REXO1: variants seen among roughly 807,000 people sequenced by gnomAD.
REXO1 encodes RNA exonuclease 1 homolog.
Under a neutral mutation model 102.6 loss-of-function variants are expected in REXO1, and 42 were observed. The observed-to-expected ratio is 0.41, with a 90% CI of 0.32 to 0.53. The LOEUF (loss-of-function observed/expected upper bound fraction) is 0.53. REXO1 is among the 20% of genes least tolerant of loss of function. The pLI is 0.27. For missense variants in REXO1, 1,819 were observed against 1,732.5 expected (o/e 1.05, Z -0.89); for synonymous variants, 908 against 779.1 (o/e 1.17, Z -2.76).
chr19:1,844,251 G>A (rs888325879), intron 1 of REXO1, among the ~76,000 whole-genome samples: 4 of 152,218 alleles, frequency 2.6e-5, no homozygotes, highest in African/African-American at 7.2e-5. Flanking sequence ...GCAGCCTCCC[G>A]GCGCTGGGCC....
At chr19:1,846,254 T>TC (rs907270507) in intron 1 of REXO1, among the ~76,000 whole-genome samples, 3 of 151,832 alleles carry the variant, frequency 2.0e-5, no homozygotes, top group African/African-American at 4.8e-5. Flanking sequence ...GGGACATGCA[T>TC]CCCCCCCTGT....
intron 1 of REXO1, among the ~76,000 whole-genome samples, chr19:1,832,222 G>A (rs2069926094): frequency 1.3e-5 from 2 of 152,222 alleles, no homozygotes; most frequent in Non-Finnish European, 1.5e-5. Flanking sequence ...TGGGAAAGGC[G>A]GGCACTGACT....
At chr19:1,821,381 A>C in intron 5 of REXO1, 138 bp downstream of exon 5, 1 of 896,550 alleles carries the variant, frequency 1.1e-6, no homozygotes. Flanking sequence ...TGGGGAGGGA[A>C]GGTGAAGGCT....
intron 1 of REXO1, among the ~76,000 whole-genome samples, chr19:1,829,252 T>G (rs1469442265): frequency 6.6e-6 from 1 of 152,148 alleles, no homozygotes. Context: ...AGGAAGATTT[T>G]TTTTTTTTGA....
At chr19:1,842,213 C>CAAA (rs566792887) in intron 1 of REXO1, among the ~76,000 whole-genome samples, 1 of 76,566 alleles carries the variant, frequency 1.3e-5, no homozygotes, top group African/African-American at 4.2e-5. Flanking sequence ...GATTCCGTTG[C>CAAA]AAAAAAAAAA....
intron 1 of REXO1, among the ~76,000 whole-genome samples, chr19:1,833,857 G>A (rs959382336): frequency 1.3e-5 from 2 of 152,258 alleles, no homozygotes; most frequent in South Asian, 2.1e-4. Context: ...TGAAGGGGAG[G>A]TGACAGAGCA....
At position 1,827,608 on chromosome 19, in the gene REXO1, TG is replaced by T; in HGVS notation, c.1180del (p.Gln394ArgfsTer99). On this transcript the variant is annotated frameshift_variant, in exon 2 of 16. Transcript: ENST00000170168. LOFTEE classifies it high-confidence loss of function. ...CTTGTCCTTGGTCTTGTCCTTCCCC[TG>T]GGCCCCGTCTTTGCAGCTGGGGGCA... Reference protein sequence around the residue: ...PPAPSCKDGAQGKDKTKDKGR... With the variant: ...PPAPSCKDGAXGKDKTKDKGR... 1 of 1,583,008 alleles carries T rather than the reference TG, an allele frequency of 6.3e-7. No homozygotes were observed.
At chr19:1,821,472 GGCGT>G in intron 5 of REXO1, 43 bp downstream of exon 5, 1 of 1,610,214 alleles carries the variant, frequency 6.2e-7, no homozygotes, top group Non-Finnish European at 8.5e-7. Flanking sequence ...CGGGCCTCAG[GGCGT>G]GGTCTTGGGG....
rs577348912 is a variant in REXO1, at chr19:1,826,462, GAA to G, written c.1911+414_1911+415del. ...GAGAGGAGACAGAGGAGCTGGAAGA[GAA>G]GAGACAGAGATGGGGGAAGGGAGGA... On this transcript the variant is annotated intron_variant, in intron 2 of 15. Transcript: ENST00000170168. The surrounding 1 kb of genome is among the most constrained non-coding windows in gnomAD (Gnocchi z 4.3). Among the ~76,000 whole-genome samples, 335 of 145,114 alleles carry G rather than the reference GAA, an allele frequency of 2.3e-3. 2 individuals carry two copies. Among genetic ancestry groups the G allele is most frequent in the African/African-American group, 7.1e-3 (281 of 39,532 alleles).
At chr19:1,823,968 T>C (rs892673755) in intron 3 of REXO1, 183 bp from the exon 4 acceptor site, 18 of 396,050 alleles carry the variant, frequency 4.5e-5, no homozygotes, top group East Asian at 2.1e-4. Flanking sequence ...CTCAATGCCA[T>C]GTGGCTCCAG....
chr19:1,815,533 C>G lies in REXO1; in HGVS notation c.*533G>C, dbSNP rs1340865856. ...AGCCCACACTGCGCTGAGTGTGGCC[C>G]TGGCCCCCACTGGGGTCTGTCCCAC... On this transcript the variant is annotated 3_prime_UTR_variant, in exon 16 of 16. Transcript: ENST00000170168. This position sits in a 1 kb window ranked among gnomAD's most constrained non-coding sequence, Gnocchi z 4.0. 5.0e-6 allele frequency: 2 copies of G among 398,360 alleles called. No homozygotes were observed. Among genetic ancestry groups the G allele is most frequent in the Non-Finnish European group, 7.9e-6 (2 of 254,558 alleles). The allele number at this position is 398,360 out of a possible 1,614,324, so 24.7% of individuals were successfully genotyped here. A position where few individuals can be genotyped will look rare whatever the true frequency, so the allele number is the denominator to read the frequency against.
chr19:1,835,030 G>A, intron 1 of REXO1: 1 of 400,998 alleles, frequency 2.5e-6, no homozygotes, highest in Non-Finnish European at 5.2e-6. Flanking sequence ...GTTGCCTGGG[G>A]CTCGGCCATG....
intron 4 of REXO1, chr19:1,822,089 G>A: frequency 2.3e-6 from 1 of 434,570 alleles, no homozygotes; most frequent in Admixed American, 4.4e-5. Flanking sequence ...CTTGCCCTTT[G>A]ATGAAGTCAC....
intron 1 of REXO1, among the ~76,000 whole-genome samples, chr19:1,839,401 A>G (rs2011198720): frequency 6.6e-6 from 1 of 152,212 alleles, no homozygotes; most frequent in Non-Finnish European, 1.5e-5. Context: ...GGAGCCCTGC[A>G]GCCTCTTCCA....
chr19:1,839,925 C>T (rs545201948), intron 1 of REXO1, among the ~76,000 whole-genome samples: 1 of 152,352 alleles, frequency 6.6e-6, no homozygotes, highest in East Asian at 1.9e-4. Flanking sequence ...TCCATGGCTT[C>T]CAGATCCTGT....
chr19:1,820,491 A>C, intron 5 of REXO1, 96 bp from the exon 6 acceptor site: 1 of 1,435,150 alleles, frequency 7.0e-7, no homozygotes, highest in Admixed American at 1.9e-5. Context: ...GGCTGGAGGC[A>C]AGAGTGAGGT....
intron 1 of REXO1, among the ~76,000 whole-genome samples, chr19:1,835,903 T>G (rs1305684385): frequency 6.6e-6 from 1 of 152,152 alleles, no homozygotes; most frequent in East Asian, 1.9e-4. Flanking sequence ...AGCCCAGCCT[T>G]GTCCCGGCCT....
rs371259107 is a variant in REXO1, at chr19:1,841,620, C to T, written c.157+6582G>A. Among the ~76,000 whole-genome samples, 40 of 152,320 alleles carry T rather than the reference C, an allele frequency of 2.6e-4. No homozygotes were observed. The East Asian group carries it at 4.2e-3, about 16-fold the overall frequency. On this transcript the variant is annotated intron_variant, in intron 1 of 15. Coordinates refer to ENST00000170168, the MANE Select transcript of REXO1 (RefSeq NM_020695.4). ...AAAGCCAAGCAAGACGCCTTCATTC[C>T]GGGGTACGGTCTCCAGAGGGACAGA...
At chr19:1,819,412 G>A (rs1184913181) in intron 7 of REXO1, among the ~76,000 whole-genome samples, 1 of 151,984 alleles carries the variant, frequency 6.6e-6, no homozygotes, top group Non-Finnish European at 1.5e-5. Flanking sequence ...GAAGGGGGAA[G>A]GGCGGGGAGA....
Sources: gnomAD v4.1 joint callset for allele counts (sites outside exome capture counted in the v4.1 genomes callset) on GRCh38, gnomAD v4.1.1 for gene constraint, Gnocchi (gnomAD v3.1) non-coding constraint, MANE v1.5 for transcripts, NCBI Gene and HGNC (gene_info 2026-07-23, HGNC 2026-07-21) for gene names.